Variants in IGSF11 observed in about 807,000 individuals in gnomAD.
IGSF11 encodes immunoglobulin superfamily member 11.
A neutral mutation model predicts 41.0 loss-of-function variants in IGSF11; 22 were observed. That is an observed-to-expected ratio of 0.54 (90% CI 0.38 to 0.77). IGSF11 has a LOEUF of 0.77. Among genes scored for constraint, IGSF11 ranks in the 30% least tolerant of loss-of-function variants. The pLI, the probability that IGSF11 is intolerant of heterozygous loss-of-function variation, is 0.00. For synonymous variants in IGSF11, 219 were observed against 201.3 expected, an observed-to-expected ratio of 1.09 and a Z score of -0.74; for missense variants, 444 against 530.8, an observed-to-expected ratio of 0.84 and a Z score of 1.61.
intron 1 of IGSF11, among the ~76,000 whole-genome samples, chr3:119,097,750 G>T (rs370654376): frequency 3.9e-5 from 6 of 151,934 alleles, no homozygotes; most frequent in African/African-American, 1.5e-4. Context: ...CACTTACTTC[G>T]ATGATGCTGT....
chr3:119,109,815 A>C (rs1202786719), upstream of IGSF11, among the ~76,000 whole-genome samples: 1 of 152,148 alleles, frequency 6.6e-6, no homozygotes, highest in Non-Finnish European at 1.5e-5. Context: ...GTTTCAAAGA[A>C]CATCTTTATT....
intron 1 of IGSF11, among the ~76,000 whole-genome samples, chr3:118,943,392 A>G (rs1943857457): frequency 6.6e-6 from 1 of 152,220 alleles, no homozygotes; most frequent in Non-Finnish European, 1.5e-5. Context: ...TAAGGACTTT[A>G]AAAAAGATCT....
At chr3:119,133,292 A>G (rs890650415) in intron 1 of IGSF11, among the ~76,000 whole-genome samples, 2 of 152,202 alleles carry the variant, frequency 1.3e-5, no homozygotes, top group African/African-American at 4.8e-5. Context: ...GGTTTTTTGA[A>G]AAGATCAACA....
chr3:119,032,655 T>C (rs573681945), intron 1 of IGSF11, among the ~76,000 whole-genome samples: 14 of 152,324 alleles, frequency 9.2e-5, no homozygotes, highest in African/African-American at 3.4e-4. Context: ...AGAAAGCCCA[T>C]CCACTCCCAT....
At position 118,901,503 on chromosome 3, in the gene IGSF11, T is replaced by G. The variant is rs1352036259; in HGVS notation, c.*1017A>C. On this transcript the variant is annotated 3_prime_UTR_variant, in exon 7 of 7. Coordinates refer to ENST00000393775, the MANE Select transcript of IGSF11 (RefSeq NM_001015887.3). Reference sequence around the variant, plus strand: ...TCAAATAAGGAGAAAGTTACATACCTCAGTACAAAAGGCATCAGGTGCTGC... The same window carrying G: ...TCAAATAAGGAGAAAGTTACATACCGCAGTACAAAAGGCATCAGGTGCTGC... The G allele has an allele frequency of 6.6e-6, 1 of 152,134 alleles. No homozygotes were observed. Among genetic ancestry groups the G allele is most frequent in the African/African-American group, 2.4e-5 (1 of 41,420 alleles). 9.4% of individuals were successfully genotyped at this position (152,134 alleles called of 1,614,324 possible). A position where few individuals can be genotyped will look rare whatever the true frequency, so the allele number is the denominator to read the frequency against.
intron 1 of IGSF11, among the ~76,000 whole-genome samples, chr3:119,138,247 T>C (rs2077589509): frequency 6.6e-6 from 1 of 152,042 alleles, no homozygotes; most frequent in Non-Finnish European, 1.5e-5. Context: ...GAAATCAGTA[T>C]GTCAAAGAGA....
At chr3:119,038,875 C>A (rs1027500819), upstream of IGSF11, among the ~76,000 whole-genome samples, 1 of 152,102 alleles carries the variant, frequency 6.6e-6, no homozygotes, top group Non-Finnish European at 1.5e-5. Context: ...TCACTTCCAG[C>A]AACAAAACAG....
At chr3:118,948,499 G>T (rs1944328655) in intron 1 of IGSF11, 1 of 152,152 alleles carries the variant, frequency 6.6e-6, no homozygotes, top group African/African-American at 2.4e-5. Context: ...AAGTTAAGTG[G>T]GGAAAAGGTC....
At chr3:118,917,364 G>T (rs1941248915) in intron 4 of IGSF11, among the ~76,000 whole-genome samples, 1 of 149,594 alleles carries the variant, frequency 6.7e-6, no homozygotes, top group Admixed American at 6.6e-5. Context: ...CCACTAGCAA[G>T]ACTAATAAAG....
At chr3:118,915,971 A>C (rs1941032539) in intron 4 of IGSF11, among the ~76,000 whole-genome samples, 1 of 134,186 alleles carries the variant, frequency 7.5e-6, no homozygotes. Context: ...TAAAGAAAAG[A>C]ATTTTCAACC....
At chr3:119,007,470 G>C (rs1485790383) in intron 1 of IGSF11, among the ~76,000 whole-genome samples, 2 of 151,826 alleles carry the variant, frequency 1.3e-5, no homozygotes, top group African/African-American at 2.4e-5. Context: ...GTTCCTATTC[G>C]GCCATCTTGG....
chr3:119,081,760 A>T (rs891154565), intron 1 of IGSF11, among the ~76,000 whole-genome samples: 15 of 152,192 alleles, frequency 9.9e-5, no homozygotes, highest in Non-Finnish European at 1.8e-4. Flanking sequence ...TGTGAATGGT[A>T]GGTAGGAAGA....
chr3:118,996,701 G>A (rs968911693), intron 1 of IGSF11, among the ~76,000 whole-genome samples: 1 of 151,950 alleles, frequency 6.6e-6, no homozygotes, highest in African/African-American at 2.4e-5. Context: ...CCGGGTTCAC[G>A]ACATTCTCCT....
chr3:119,037,821 G>T (rs1940972789), upstream of IGSF11, among the ~76,000 whole-genome samples: 1 of 152,060 alleles, frequency 6.6e-6, no homozygotes, highest in Non-Finnish European at 1.5e-5. Context: ...GAATTATAAG[G>T]ATTTCCAATG....
At chr3:119,089,019 C>G (rs145282014) in intron 1 of IGSF11, among the ~76,000 whole-genome samples, 2 of 152,160 alleles carry the variant, frequency 1.3e-5, no homozygotes, top group South Asian at 4.1e-4. Flanking sequence ...ATAACTGATA[C>G]GAATTCTGCT....
chr3:118,952,183 C>A (rs141817777), intron 1 of IGSF11, among the ~76,000 whole-genome samples: 259 of 152,234 alleles, frequency 1.7e-3, no homozygotes, highest in African/African-American at 5.8e-3. Context: ...ATCATCTGAG[C>A]CTTCAGTGAG....
intron 1 of IGSF11, among the ~76,000 whole-genome samples, chr3:119,016,201 G>A (rs1367869400): frequency 6.6e-6 from 1 of 152,226 alleles, no homozygotes; most frequent in Non-Finnish European, 1.5e-5. Flanking sequence ...CAGAAAAGAA[G>A]GGAGAGAGGT....
At chr3:119,144,175 C>A (rs919912891) in intron 1 of IGSF11, among the ~76,000 whole-genome samples, 1 of 152,118 alleles carries the variant, frequency 6.6e-6, no homozygotes, top group South Asian at 2.1e-4. Flanking sequence ...CTCAGCCCAC[C>A]AGTAGCTGGG....
At chr3:119,028,327 G>GTT (rs1198845125) in intron 1 of IGSF11, among the ~76,000 whole-genome samples, 7 of 152,114 alleles carry the variant, frequency 4.6e-5, no homozygotes, top group African/African-American at 1.7e-4. Flanking sequence ...CCAACATAAG[G>GTT]ATGATTTATA....
Sources: gnomAD v4.1 joint callset for allele counts (sites outside exome capture counted in the v4.1 genomes callset) on GRCh38, gnomAD v4.1.1 for gene constraint, MANE v1.5 for transcripts, NCBI Gene and HGNC (gene_info 2026-07-23, HGNC 2026-07-21) for gene names.